The following LRP1B variants were observed in gnomAD, a reference collection of about 807,000 sequenced individuals.
LRP1B encodes LDL receptor related protein 1B.
A neutral mutation model predicts 556.6 loss-of-function variants in LRP1B; 217 were observed. The observed-to-expected ratio is 0.39, with a 90% CI of 0.35 to 0.44. The LOEUF (loss-of-function observed/expected upper bound fraction) is 0.44. LRP1B is among the 20% of genes least tolerant of loss of function. The pLI, the probability that LRP1B is intolerant of heterozygous loss-of-function variation, is 1.00. For synonymous variants in LRP1B, 2,047 were observed against 1,865.8 expected, an observed-to-expected ratio of 1.10 and a Z score of -2.50; for missense variants, 5,053 against 5,620.8, an observed-to-expected ratio of 0.90 and a Z score of 3.23.
chr2:141,710,206 T>C (rs1241085979), intron 2 of LRP1B, among the ~76,000 whole-genome samples: 1 of 151,928 alleles, frequency 6.6e-6, no homozygotes, highest in Non-Finnish European at 1.5e-5. Context: ...TACTATTCTT[T>C]TTTACTATCA....
At chr2:142,094,189 AT>A (rs760791929) in intron 1 of LRP1B, among the ~76,000 whole-genome samples, 61 of 152,260 alleles carry the variant, frequency 4.0e-4, no homozygotes, top group Admixed American at 8.5e-4. Flanking sequence ...ACACTATCAT[AT>A]AGGAGACTAG....
chr2:140,566,883 C>A (rs570623745), intron 43 of LRP1B, among the ~76,000 whole-genome samples: 20 of 152,282 alleles, frequency 1.3e-4, no homozygotes, highest in Admixed American at 1.3e-3. Context: ...AGTGATCATG[C>A]ACAATACTTA....
chr2:142,066,852 A>C (rs1256646137), intron 1 of LRP1B, among the ~76,000 whole-genome samples: 2 of 151,554 alleles, frequency 1.3e-5, no homozygotes, highest in African/African-American at 4.8e-5. Flanking sequence ...GCTGTTAACA[A>C]AGTACCACAA....
intron 1 of LRP1B, among the ~76,000 whole-genome samples, chr2:141,897,429 A>G (rs1162071254): frequency 1.3e-5 from 2 of 152,136 alleles, no homozygotes; most frequent in African/African-American, 4.8e-5. Flanking sequence ...CAGGTCAGCA[A>G]TATCTAATTT....
At chr2:140,428,700 C>A (rs1271815257) in intron 66 of LRP1B, among the ~76,000 whole-genome samples, 1 of 152,086 alleles carries the variant, frequency 6.6e-6, no homozygotes, top group Middle Eastern at 3.2e-3. Flanking sequence ...AGTCTGTCCC[C>A]TTTTAATCAA....
At chr2:141,891,613 A>G (rs922216605) in intron 1 of LRP1B, among the ~76,000 whole-genome samples, 4 of 152,136 alleles carry the variant, frequency 2.6e-5, no homozygotes, top group Non-Finnish European at 4.4e-5. Flanking sequence ...ATAAATCTAC[A>G]AAGATTTCTT....
intron 43 of LRP1B, among the ~76,000 whole-genome samples, chr2:140,544,586 T>G (rs111413523): frequency 3.3e-5 from 5 of 152,272 alleles, no homozygotes; most frequent in African/African-American, 1.2e-4. Flanking sequence ...TGGTTTTCTG[T>G]TTCTGCATTA....
intron 83 of LRP1B, among the ~76,000 whole-genome samples, chr2:140,312,778 T>G (rs1362322346): frequency 1.3e-5 from 2 of 151,950 alleles, no homozygotes; most frequent in Non-Finnish European, 2.9e-5. Flanking sequence ...TTTTTAGTGT[T>G]CATTATTACA....
At chr2:142,046,466 C>CCT (rs1405639702) in intron 1 of LRP1B, among the ~76,000 whole-genome samples, 1 of 151,798 alleles carries the variant, frequency 6.6e-6, no homozygotes, top group East Asian at 1.9e-4. Context: ...GGCATCAGGC[C>CCT]AACAAATTAG....
In LRP1B at chr2:141,250,505, G is replaced by A. The variant is rs114607229; in HGVS notation, c.464-3151C>T. On this transcript the variant is annotated intron_variant, in intron 4 of 90. Coordinates refer to ENST00000389484, the MANE Select transcript of LRP1B (RefSeq NM_018557.3). ...AGAAGCTTCCCTCTCCCACCTTCCC[G>A]TTCCTTGCCCTATGCATCACTTCCA... 6.4e-3 allele frequency among the ~76,000 whole-genome samples: 977 copies of A among 152,246 alleles called. 8 individuals carry two copies. Among genetic ancestry groups the A allele is most frequent in the African/African-American group, 0.018 (731 of 41,558 alleles).
At chr2:141,632,582 G>C (rs181582225) in intron 2 of LRP1B, among the ~76,000 whole-genome samples, 1 of 152,224 alleles carries the variant, frequency 6.6e-6, no homozygotes, top group Non-Finnish European at 1.5e-5. Flanking sequence ...TCTGAGTCTG[G>C]TTTAAAACAC....
intron 7 of LRP1B, among the ~76,000 whole-genome samples, chr2:141,097,333 T>G (rs1046209230): frequency 2.6e-5 from 4 of 152,164 alleles, no homozygotes; most frequent in African/African-American, 9.7e-5. Flanking sequence ...TGCTGAAACT[T>G]TTGAAGTTTC....
intron 32 of LRP1B, among the ~76,000 whole-genome samples, chr2:140,798,363 AT>A (rs997618950): frequency 5.9e-5 from 9 of 152,350 alleles, no homozygotes; most frequent in African/African-American, 2.2e-4. Context: ...AAAGAAAAAA[AT>A]AAACAGAAAA....
At chr2:140,716,413 C>G (rs1381311574) in intron 36 of LRP1B, among the ~76,000 whole-genome samples, 2 of 152,024 alleles carry the variant, frequency 1.3e-5, no homozygotes, top group African/African-American at 4.8e-5. Context: ...CAAAAGAGAA[C>G]TTCTAACACT....
chr2:141,580,205 G>A (rs909521175), intron 2 of LRP1B, among the ~76,000 whole-genome samples: 1 of 152,116 alleles, frequency 6.6e-6, no homozygotes, highest in Non-Finnish European at 1.5e-5. Flanking sequence ...AGTCTTCTAT[G>A]TACATAAATA....
intron 2 of LRP1B, among the ~76,000 whole-genome samples, chr2:141,792,244 G>T (rs1695637792): frequency 1.3e-5 from 2 of 151,706 alleles, no homozygotes; most frequent in African/African-American, 4.8e-5. Flanking sequence ...GATAAACTAA[G>T]AACAATAAAA....
chr2:141,561,801 A>T (rs1686162696), intron 2 of LRP1B, among the ~76,000 whole-genome samples: 1 of 151,568 alleles, frequency 6.6e-6, no homozygotes, highest in African/African-American at 2.4e-5. Flanking sequence ...TGTTTGTCTT[A>T]TCTAGAATTT....
Position 140,601,483 on chromosome 2 carries a change from T to C in LRP1B, c.6956A>G (p.His2319Arg). The change falls in exon 42 of 91, where the codon CAT (histidine) becomes CGT (arginine). Residue 2319 changes from histidine (H) to arginine (R), a missense_variant. This residue lies in a region of LRP1B where 3,619 missense variants were observed against 3,931.9 expected (regional missense o/e 0.92). Transcript: ENST00000389484. Reference sequence around the variant, plus strand: ...TTCATCCAAGGCTAGCACATGTGGATGGTCATCTTCTGACATGGTGATGAC... The same window carrying C: ...TTCATCCAAGGCTAGCACATGTGGACGGTCATCTTCTGACATGGTGATGAC... ...EAVITMSEDD[H>R]PHVLALDECQ... 6.2e-7 allele frequency: 1 copy of C among 1,612,714 alleles called. No homozygotes were observed. Among genetic ancestry groups the C allele is most frequent in the South Asian group, 1.1e-5 (1 of 90,988 alleles).
chr2:141,189,253 G>C (rs1488800564), intron 6 of LRP1B, among the ~76,000 whole-genome samples: 1 of 151,970 alleles, frequency 6.6e-6, no homozygotes, highest in Non-Finnish European at 1.5e-5. Context: ...AGCAGTCTGA[G>C]CTATGTGAGG....
Sources: allele counts gnomAD v4.1 joint callset (sites outside exome capture counted in the v4.1 genomes callset), GRCh38; gene constraint gnomAD v4.1.1; regional missense constraint gnomAD v4.1.1; transcripts MANE v1.5; gene names NCBI Gene and HGNC (gene_info 2026-07-23, HGNC 2026-07-21).